The following ATG10 variants were observed in gnomAD, a reference collection of about 807,000 sequenced individuals.
ATG10 encodes the protein ubiquitin-like-conjugating enzyme ATG10.
In ATG10, 30 loss-of-function variants were observed where a neutral mutation model predicts 32.1. The observed-to-expected ratio is 0.94, with a 90% CI of 0.70 to 1.27. The LOEUF (loss-of-function observed/expected upper bound fraction) is 1.27, where lower values mean the gene tolerates loss of function less well. ATG10 is among the 50% of genes most tolerant of loss of function. ATG10 has a pLI of 0.00. For missense variants in ATG10, 233 were observed against 262.3 expected (o/e 0.89, Z 0.77); for synonymous variants, 87 against 91.5 (o/e 0.95, Z 0.28).
rs143998558 is a variant in ATG10, at chr5:82,239,213, C to T, written c.454-13349C>T. On this transcript the variant is annotated intron_variant, in intron 5 of 7. Transcript: ENST00000282185. ...GGAGAGAATGGTGTCCCTACAGTGA[C>T]GTAGGGGCTATGGGTGCCCTCCACA... Among the ~76,000 whole-genome samples, 810 of 152,228 alleles carry T rather than the reference C, an allele frequency of 5.3e-3. 6 individuals are homozygous for T. The highest frequency in any genetic ancestry group is 0.014 in the Middle Eastern group (4 of 294).
In ATG10 at chr5:82,101,581, G is replaced by A. The variant is rs1158535274; in HGVS notation, c.216+42979G>A. Reference sequence around the variant, plus strand: ...TGGTATAGCATGTCTAAACTCAGAAGGCAGAATGGATCAGTAGGTAGAAGT... The same window carrying A: ...TGGTATAGCATGTCTAAACTCAGAAAGCAGAATGGATCAGTAGGTAGAAGT... On this transcript the variant is annotated intron_variant, in intron 3 of 7. Transcript: ENST00000282185. 3.3e-5 allele frequency among the ~76,000 whole-genome samples: 5 copies of A among 152,260 alleles called. No individual in the cohort carries two copies. The East Asian group carries it at 9.7e-4, about 29-fold the overall frequency.
At chr5:82,013,530 G>C (rs1762190664) in intron 2 of ATG10, among the ~76,000 whole-genome samples, 1 of 152,126 alleles carries the variant, frequency 6.6e-6, no homozygotes, top group Admixed American at 6.6e-5. Context: ...TAGATACCCA[G>C]GTTGCTGCAT....
intron 3 of ATG10, among the ~76,000 whole-genome samples, chr5:82,080,646 C>T (rs1764446035): frequency 6.6e-6 from 1 of 152,166 alleles, no homozygotes; most frequent in African/African-American, 2.4e-5. Context: ...TTGTTTTTCT[C>T]AGGTTTGTCA....
At chr5:82,062,004 A>AT (rs1763798066) in intron 3 of ATG10, among the ~76,000 whole-genome samples, 1 of 150,986 alleles carries the variant, frequency 6.6e-6, no homozygotes, top group Admixed American at 6.6e-5. Context: ...TGATTTAAGA[A>AT]TTTTTTTAGA....
At chr5:82,185,068 T>C (rs1744396458) in intron 5 of ATG10, among the ~76,000 whole-genome samples, 1 of 152,262 alleles carries the variant, frequency 6.6e-6, no homozygotes, top group Non-Finnish European at 1.5e-5. Flanking sequence ...GAGATTCTAT[T>C]GTGTTGTGTT....
intron 3 of ATG10, among the ~76,000 whole-genome samples, chr5:82,164,061 G>C (rs1371440223): frequency 6.6e-6 from 1 of 152,128 alleles, no homozygotes; most frequent in African/African-American, 2.4e-5. Context: ...TAGGGAAGAA[G>C]GTAGCTTATA....
chr5:82,173,923 T>C (rs1293031405), intron 4 of ATG10, among the ~76,000 whole-genome samples: 1 of 152,188 alleles, frequency 6.6e-6, no homozygotes, highest in Non-Finnish European at 1.5e-5. Context: ...AAGTTTTGAG[T>C]CTTCAGTTTT....
intron 3 of ATG10, among the ~76,000 whole-genome samples, chr5:82,076,666 G>C (rs1764282987): frequency 6.6e-6 from 1 of 152,138 alleles, no homozygotes; most frequent in African/African-American, 2.4e-5. Context: ...TGTAGCCAGA[G>C]AGCTTAGTAA....
intron 2 of ATG10, among the ~76,000 whole-genome samples, chr5:82,016,813 C>G (rs1762298832): frequency 6.6e-6 from 1 of 152,000 alleles, no homozygotes; most frequent in African/African-American, 2.4e-5. Context: ...CTCAGCCTCC[C>G]AAGTAGCTGG....
At chr5:82,218,094 G>T (rs1029639361) in intron 5 of ATG10, among the ~76,000 whole-genome samples, 1 of 99,744 alleles carries the variant, frequency 1.0e-5, no homozygotes, top group Non-Finnish European at 2.1e-5. Context: ...CACATCACAC[G>T]TACAGGAATT....
In ATG10 at chr5:81,995,640, G is replaced by A. The variant is rs12516421; in HGVS notation, c.108+7962G>A. Among the ~76,000 whole-genome samples the A allele has an allele frequency of 4.3e-3, 647 of 152,144 alleles. 24 individuals are homozygous for A. Among genetic ancestry groups the A allele is most frequent in the Admixed American group, 0.036 (552 of 15,262 alleles). ...TACTCATTAAAAAAAGGGGGAAAAT[G>A]TGCTAAAGTATTCACATAATTATAT... On this transcript the variant is annotated intron_variant, in intron 2 of 7. Transcript: ENST00000282185.
At chr5:82,199,237 A>G (rs1360895303) in intron 5 of ATG10, among the ~76,000 whole-genome samples, 4 of 152,192 alleles carry the variant, frequency 2.6e-5, no homozygotes, top group Non-Finnish European at 5.9e-5. Context: ...TTTTTGGTCG[A>G]TTTTTCTCAA....
chr5:82,089,467 A>G (rs1764808247), intron 3 of ATG10, among the ~76,000 whole-genome samples: 1 of 152,238 alleles, frequency 6.6e-6, no homozygotes, highest in Admixed American at 6.5e-5. Context: ...AAGTGCAAAA[A>G]CAATTTAATT....
At chr5:82,113,948 T>G (rs1765696739) in intron 3 of ATG10, among the ~76,000 whole-genome samples, 1 of 152,044 alleles carries the variant, frequency 6.6e-6, no homozygotes, top group Non-Finnish European at 1.5e-5. Context: ...TGATTTTGTT[T>G]GCAGTGTTTT....
intron 2 of ATG10, among the ~76,000 whole-genome samples, chr5:82,042,871 A>G (rs1763128651): frequency 6.6e-6 from 1 of 151,876 alleles, no homozygotes; most frequent in African/African-American, 2.4e-5. Flanking sequence ...TACAGCTCCC[A>G]TGGCTGCTTT....
At chr5:82,085,824 AT>A (rs1764666700) in intron 3 of ATG10, among the ~76,000 whole-genome samples, 1 of 152,136 alleles carries the variant, frequency 6.6e-6, no homozygotes. Flanking sequence ...GAAAAGCTGT[AT>A]TAAAGGACTA....
intron 5 of ATG10, among the ~76,000 whole-genome samples, chr5:82,249,011 A>G (rs1747138753): frequency 6.6e-6 from 1 of 152,054 alleles, no homozygotes; most frequent in African/African-American, 2.4e-5. Context: ...AGCTCTTCAA[A>G]GGCATGAAAG....
intron 3 of ATG10, among the ~76,000 whole-genome samples, chr5:82,126,923 G>C (rs1766303209): frequency 6.6e-6 from 1 of 151,986 alleles, no homozygotes; most frequent in Non-Finnish European, 1.5e-5. Flanking sequence ...GGCTTTTTTT[G>C]GTTGATAGGC....
intron 3 of ATG10, among the ~76,000 whole-genome samples, chr5:82,062,168 A>AT (rs954969752): frequency 5.3e-5 from 8 of 151,800 alleles, no homozygotes; most frequent in African/African-American, 7.3e-5. Context: ...AGAATAACAT[A>AT]TTTTTTTTCA....
Sources: gnomAD v4.1 joint callset for allele counts (sites outside exome capture counted in the v4.1 genomes callset) on GRCh38, gnomAD v4.1.1 for gene constraint, MANE v1.5 for transcripts, NCBI Gene and HGNC (gene_info 2026-07-23, HGNC 2026-07-21) for gene names.